Variants in BBS9 observed in about 807,000 individuals in gnomAD.
BBS9 encodes the protein protein PTHB1.
Under a neutral mutation model 117.7 loss-of-function variants are expected in BBS9, and 89 were observed. The ratio of observed to expected loss-of-function variants is 0.76; its 90% CI spans 0.64 to 0.90. BBS9 has a LOEUF of 0.90. Among genes scored for constraint, BBS9 ranks in the 40% least tolerant of loss-of-function variants. The probability of loss-of-function intolerance (pLI) is 0.00; values close to 1 mark genes in which losing one functional copy is unlikely to be tolerated. For synonymous variants in BBS9, 379 were observed against 370.9 expected (o/e 1.02, Z -0.25); for missense variants, 982 against 1,042.2 (o/e 0.94, Z 0.80).
At chr7:33,440,233 T>A (rs1254554090) in intron 19 of BBS9, among the ~76,000 whole-genome samples, 2 of 152,182 alleles carry the variant, frequency 1.3e-5, no homozygotes, top group Non-Finnish European at 2.9e-5. Context: ...TATTTGAAGG[T>A]GCATTGTAAG....
intron 21 of BBS9, among the ~76,000 whole-genome samples, chr7:33,612,774 G>A (rs746242088): frequency 1.1e-4 from 17 of 151,948 alleles, no homozygotes; most frequent in Non-Finnish European, 2.1e-4. Flanking sequence ...TCTGGTCAGG[G>A]TTCATTCTAT....
At chr7:33,622,212 TAAAAAC>T (rs1865444625) in intron 21 of BBS9, among the ~76,000 whole-genome samples, 2 of 150,942 alleles carry the variant, frequency 1.3e-5, no homozygotes, top group Admixed American at 6.6e-5. Flanking sequence ...TCTCAAAAAA[TAAAAAC>T]AAAAAAAATA....
At chr7:33,129,313 A>G (rs568191336), upstream of BBS9, 3 of 548,784 alleles carry the variant, frequency 5.5e-6, no homozygotes, top group Non-Finnish European at 9.7e-6. Flanking sequence ...CCCGGAGCCC[A>G]GGCAGGAGGA....
Position 33,184,095 on chromosome 7 carries a change from C to CAG in BBS9, c.442+6505_442+6506insGA, listed in dbSNP as rs1487448727. On this transcript the variant is annotated intron_variant, in intron 5 of 22. Coordinates refer to ENST00000242067, the MANE Select transcript of BBS9 (RefSeq NM_198428.3). Reference sequence around the variant, plus strand: ...TTACCACACCTATAAGCAGTTTGCACACAGAGAGAGAGAGAGAGAGAGAGA... The same window carrying CAG: ...TTACCACACCTATAAGCAGTTTGCACAGACAGAGAGAGAGAGAGAGAGAGAGA... 2.3e-3 allele frequency among the ~76,000 whole-genome samples: 304 copies of CAG among 131,860 alleles called. 4 individuals carry two copies. Among genetic ancestry groups the CAG allele is most frequent in the African/African-American group, 7.4e-3 (280 of 37,704 alleles). 86.5% of individuals were successfully genotyped at this position (131,860 alleles called of 152,430 possible). A position where few individuals can be genotyped will look rare whatever the true frequency, so the allele number is the denominator to read the frequency against.
At position 33,598,231 on chromosome 7, in the gene BBS9, G is replaced by GA. The variant is rs11459733; in HGVS notation, c.2522-6621dup. Among the ~76,000 whole-genome samples, 428 of 141,334 alleles carry GA rather than the reference G, an allele frequency of 3.0e-3. 5 individuals carry two copies. Among genetic ancestry groups the GA allele is most frequent in the Middle Eastern group, 0.015 (4 of 268 alleles). 92.7% of individuals were successfully genotyped at this position (141,334 alleles called of 152,430 possible). On this transcript the variant is annotated intron_variant, in intron 21 of 22. Transcript: ENST00000242067. ...TATTGGAAAATCTAAGAGTTTATGGGAAAAAAAAAAAAACCTTCTTTAAAA... is the reference window on the plus strand; with the variant it reads ...TATTGGAAAATCTAAGAGTTTATGGGAAAAAAAAAAAAAACCTTCTTTAAAA...
intron 19 of BBS9, among the ~76,000 whole-genome samples, chr7:33,472,509 A>G (rs1393500060): frequency 6.6e-6 from 1 of 152,168 alleles, no homozygotes; most frequent in East Asian, 1.9e-4. Flanking sequence ...AAGCCGGGTG[A>G]CTGCTCAGAT....
At chr7:33,224,599 C>G (rs76891211) in intron 5 of BBS9, among the ~76,000 whole-genome samples, 3 of 152,058 alleles carry the variant, frequency 2.0e-5, no homozygotes, top group Non-Finnish European at 4.4e-5. Flanking sequence ...TCTGTCTTCT[C>G]CCTCACCTCC....
At chr7:33,311,534 T>C (rs1809219851) in intron 9 of BBS9, among the ~76,000 whole-genome samples, 1 of 152,200 alleles carries the variant, frequency 6.6e-6, no homozygotes, top group African/African-American at 2.4e-5. Flanking sequence ...CCTTGCTTAC[T>C]GTTAGAAAGC....
chr7:33,334,068 G>T (rs191546358), intron 9 of BBS9, among the ~76,000 whole-genome samples: 72 of 152,324 alleles, frequency 4.7e-4, no homozygotes, highest in Middle Eastern at 3.4e-3. Flanking sequence ...CCAGTAAAAA[G>T]TGTTTTTAGA....
intron 5 of BBS9, among the ~76,000 whole-genome samples, chr7:33,244,036 C>A (rs73097281): frequency 0.16 from 24,017 of 151,990 alleles, 2,279 homozygotes; most frequent in Non-Finnish European, 0.21. Context: ...ACCAACCTGG[C>A]CAACCAACAT....
chr7:33,575,814 A>G (rs887343168), intron 21 of BBS9, among the ~76,000 whole-genome samples: 2 of 152,198 alleles, frequency 1.3e-5, no homozygotes, highest in African/African-American at 4.8e-5. Context: ...CCACATGATT[A>G]TCTCAATAGA....
intron 21 of BBS9, among the ~76,000 whole-genome samples, chr7:33,538,330 G>C (rs1851788437): frequency 6.6e-6 from 1 of 152,066 alleles, no homozygotes; most frequent in South Asian, 2.1e-4. Context: ...GATGTGGTAG[G>C]GACCACCCAG....
chr7:33,173,798 T>G (rs2178343), intron 4 of BBS9, among the ~76,000 whole-genome samples: 23,996 of 152,122 alleles, frequency 0.16, 2,067 homozygotes, highest in South Asian at 0.21. Context: ...AAGCTGGAAG[T>G]TACTCAGTTC....
At chr7:33,171,312 T>C (rs1459734198) in intron 4 of BBS9, among the ~76,000 whole-genome samples, 2 of 152,068 alleles carry the variant, frequency 1.3e-5, no homozygotes, top group East Asian at 3.9e-4. Context: ...TATCTACAAC[T>C]ATCTGATCTT....
intron 19 of BBS9, among the ~76,000 whole-genome samples, chr7:33,467,991 C>A (rs932941748): frequency 5.3e-5 from 8 of 152,128 alleles, no homozygotes; most frequent in African/African-American, 1.9e-4. Flanking sequence ...TTGTTCATCA[C>A]TTTGCTGATA....
intron 19 of BBS9, among the ~76,000 whole-genome samples, chr7:33,462,899 G>A (rs1157560123): frequency 2.0e-5 from 3 of 152,060 alleles, no homozygotes; most frequent in East Asian, 1.9e-4. Context: ...GATATTTAAA[G>A]TTAGGAAATA....
At chr7:33,615,435 A>G (rs568626480) in intron 21 of BBS9, among the ~76,000 whole-genome samples, 1 of 152,254 alleles carries the variant, frequency 6.6e-6, no homozygotes, top group East Asian at 1.9e-4. Flanking sequence ...AGATCACTGT[A>G]AAAGAAATGA....
chr7:33,362,436 A>G (rs1820793862), intron 16 of BBS9, among the ~76,000 whole-genome samples: 1 of 151,820 alleles, frequency 6.6e-6, no homozygotes, highest in South Asian at 2.1e-4. Context: ...TTGTGCTGAT[A>G]TTTATGTGTG....
At chr7:33,295,887 TAA>T (rs1472426782) in intron 9 of BBS9, among the ~76,000 whole-genome samples, 1 of 151,994 alleles carries the variant, frequency 6.6e-6, no homozygotes, top group East Asian at 1.9e-4. Flanking sequence ...GAAAAGATAA[TAA>T]AATTTTTTAT....
Sources: gnomAD v4.1 joint callset for allele counts (sites outside exome capture counted in the v4.1 genomes callset) on GRCh38, gnomAD v4.1.1 for gene constraint, MANE v1.5 for transcripts, NCBI Gene and HGNC (gene_info 2026-07-23, HGNC 2026-07-21) for gene names.